The following PDE8A variants were observed in gnomAD, a reference collection of about 807,000 sequenced individuals.
PDE8A encodes the protein phosphodiesterase 8A.
A neutral mutation model predicts 105.0 loss-of-function variants in PDE8A; 59 were observed. The ratio of observed to expected loss-of-function variants is 0.56; its 90% CI spans 0.46 to 0.70. The LOEUF (loss-of-function observed/expected upper bound fraction) is 0.70. Among genes scored for constraint, PDE8A ranks in the 30% least tolerant of loss-of-function variants. The pLI is 0.00. For synonymous variants in PDE8A, 355 were observed against 371.9 expected, an observed-to-expected ratio of 0.95 and a Z score of 0.52; for missense variants, 1,014 against 1,045.9, an observed-to-expected ratio of 0.97 and a Z score of 0.42.
intron 1 of PDE8A, among the ~76,000 whole-genome samples, chr15:85,043,708 GTTTT>G (rs200898662): frequency 4.0e-5 from 6 of 151,046 alleles, no homozygotes; most frequent in African/African-American, 1.5e-4. Context: ...TTGTTTGTTT[GTTTT>G]TTTGAGGCAG....
At chr15:85,115,588 T>C (rs1818050950) in intron 15 of PDE8A, 101 bp downstream of exon 15, 2 of 627,830 alleles carry the variant, frequency 3.2e-6, no homozygotes, top group Non-Finnish European at 2.7e-6. Flanking sequence ...AGTTTCTTGG[T>C]ATGTCATAAA....
Position 85,064,356 on chromosome 15 carries a change from T to A in PDE8A, c.187-14T>A. The A allele has an allele frequency of 6.3e-7, 1 of 1,594,566 alleles. No homozygotes were observed. On this transcript the variant is annotated splice_polypyrimidine_tract_variant and intron_variant, in intron 1 of 21. Coordinates refer to ENST00000394553, the MANE Select transcript of PDE8A (RefSeq NM_002605.3). ...CGTTGTCTTTTCATTTTTAAGCCAA[T>A]CTCTTTCTTACAGGTAGCAGTAGCT... is the stretch of plus-strand genomic sequence containing the variant.
intron 19 of PDE8A, among the ~76,000 whole-genome samples, chr15:85,125,892 A>C (rs1405644220): frequency 1.3e-5 from 2 of 152,200 alleles, no homozygotes. Flanking sequence ...TGGAACAGAA[A>C]AAAAGGCAAC....
At chr15:85,134,059 G>C (rs1298032525) in intron 20 of PDE8A, among the ~76,000 whole-genome samples, 3 of 152,204 alleles carry the variant, frequency 2.0e-5, no homozygotes, top group Non-Finnish European at 4.4e-5. Context: ...ACTTAGATGA[G>C]GGCATGGGCC....
rs2082439127 is a variant in PDE8A at position 85,137,950 on chromosome 15, T to C, written c.*47T>C. On this transcript the variant is annotated 3_prime_UTR_variant, in exon 22 of 22. Transcript: ENST00000394553. ...CTGAAGCTTTGTTCCTTCGGTCATT[T>C]GGAATTCCTGAGGGCAGCCAGAGCT... The C allele has an allele frequency of 8.2e-7, 1 of 1,220,510 alleles. No homozygotes were observed. The highest frequency in any genetic ancestry group is 1.5e-5 in the African/African-American group (1 of 67,286). 75.6% of individuals were successfully genotyped at this position (1,220,510 alleles called of 1,614,324 possible). A position where few individuals can be genotyped will look rare whatever the true frequency, so the allele number is the denominator to read the frequency against.
intron 1 of PDE8A, among the ~76,000 whole-genome samples, chr15:85,003,920 A>G (rs1165762867): frequency 2.0e-5 from 3 of 152,192 alleles, no homozygotes; most frequent in African/African-American, 7.2e-5. Context: ...ATGGTTGCCA[A>G]GGTTGCCATG....
intron 9 of PDE8A, among the ~76,000 whole-genome samples, chr15:85,098,592 C>T (rs1195359155): frequency 6.6e-6 from 1 of 152,048 alleles, no homozygotes; most frequent in Middle Eastern, 3.2e-3. Flanking sequence ...AATTATAGAA[C>T]ACCTAAAATA....
At position 85,126,130 on chromosome 15, in the gene PDE8A, A is replaced by G. The variant is rs895825964; in HGVS notation, c.2086-77A>G. 23 of 1,011,964 alleles carry G rather than the reference A, an allele frequency of 2.3e-5. No individual in the cohort carries two copies. The African/African-American group carries it at 3.3e-4, about 14-fold the overall frequency. 62.7% of individuals were successfully genotyped at this position (1,011,964 alleles called of 1,614,324 possible). A position where few individuals can be genotyped will look rare whatever the true frequency, so the allele number is the denominator to read the frequency against. On this transcript the variant is annotated intron_variant, in intron 19 of 21. Transcript: ENST00000394553. ...TGACTAGTGCTCTTTTTATGCTTAC[A>G]GTGGGACAGACCAGTAAGAGAGGGC... is the stretch of plus-strand genomic sequence containing the variant.
At chr15:85,027,263 T>C (rs1477918591) in intron 1 of PDE8A, among the ~76,000 whole-genome samples, 1 of 152,130 alleles carries the variant, frequency 6.6e-6, no homozygotes, top group Non-Finnish European at 1.5e-5. Flanking sequence ...TGCCAGTCAG[T>C]TTCCTAGAGT....
intron 9 of PDE8A, 179 bp from the exon 10 acceptor site, chr15:85,099,836 A>G: frequency 1.7e-6 from 1 of 602,254 alleles, no homozygotes; most frequent in Non-Finnish European, 2.9e-6. Context: ...AGAGACGCCA[A>G]AGGATGTTTG....
At chr15:85,017,048 T>G (rs902511619) in intron 1 of PDE8A, among the ~76,000 whole-genome samples, 1 of 149,296 alleles carries the variant, frequency 6.7e-6, no homozygotes, top group Non-Finnish European at 1.5e-5. Flanking sequence ...GATCATGAGG[T>G]CAGGAGATCG....
chr15:84,999,471 C>A (rs1382614657), intron 1 of PDE8A, among the ~76,000 whole-genome samples: 1 of 152,190 alleles, frequency 6.6e-6, no homozygotes, highest in Non-Finnish European at 1.5e-5. Flanking sequence ...TTCAGCAAAC[C>A]TTTGGTGCTT....
intron 1 of PDE8A, among the ~76,000 whole-genome samples, chr15:84,992,981 C>T (rs574487031): frequency 1.1e-4 from 17 of 152,128 alleles, no homozygotes; most frequent in Non-Finnish European, 2.1e-4. Context: ...CTTACAGAAA[C>T]AGGTTCACTG....
chr15:85,127,309 AT>A (rs2082272154), intron 20 of PDE8A, among the ~76,000 whole-genome samples: 1 of 152,238 alleles, frequency 6.6e-6, no homozygotes, highest in African/African-American at 2.4e-5. Context: ...TCAACCTTGT[AT>A]TGGTGTTCCT....
intron 17 of PDE8A, 101 bp from the exon 18 acceptor site, chr15:85,120,696 A>G: frequency 1.4e-6 from 1 of 724,478 alleles, no homozygotes; most frequent in Non-Finnish European, 2.3e-6. Flanking sequence ...GAAATCTGAA[A>G]TATTCTTACC....
At chr15:85,060,646 A>C (rs1019038760) in intron 1 of PDE8A, among the ~76,000 whole-genome samples, 2 of 152,208 alleles carry the variant, frequency 1.3e-5, no homozygotes, top group Non-Finnish European at 2.9e-5. Context: ...ACAACTGTAC[A>C]TTGTGTGCCC....
chr15:85,046,282 C>G (rs2080886697), intron 1 of PDE8A, among the ~76,000 whole-genome samples: 1 of 152,096 alleles, frequency 6.6e-6, no homozygotes, highest in Non-Finnish European at 1.5e-5. Context: ...CTCCTGACCT[C>G]AGGTGATCTG....
intron 12 of PDE8A, among the ~76,000 whole-genome samples, chr15:85,112,031 T>C (rs1002859520): frequency 6.6e-6 from 1 of 151,108 alleles, no homozygotes; most frequent in Admixed American, 6.8e-5. Context: ...TTTGTATATC[T>C]AGGAGCTTGG....
intron 1 of PDE8A, among the ~76,000 whole-genome samples, chr15:84,996,822 T>A (rs1460142268): frequency 3.0e-4 from 2 of 6,742 alleles, no homozygotes; most frequent in Non-Finnish European, 5.8e-4. Context: ...CAAGACTCTC[T>A]CAAAAAAAAA....
Sources: gnomAD v4.1 joint callset for allele counts (sites outside exome capture counted in the v4.1 genomes callset) on GRCh38, gnomAD v4.1.1 for gene constraint, MANE v1.5 for transcripts, NCBI Gene and HGNC (gene_info 2026-07-23, HGNC 2026-07-21) for gene names.